Variants in CTNND2 observed in about 807,000 individuals in gnomAD.
CTNND2 encodes catenin delta-2.
A neutral mutation model predicts 144.4 loss-of-function variants in CTNND2; 22 were observed. The ratio of observed to expected loss-of-function variants is 0.15; its 90% CI spans 0.11 to 0.22. The LOEUF (loss-of-function observed/expected upper bound fraction) is 0.22, where lower values mean the gene tolerates loss of function less well. Among genes scored for constraint, CTNND2 ranks in the 10% least tolerant of loss-of-function variants. CTNND2 has a pLI of 1.00. For synonymous variants in CTNND2, 751 were observed against 695.6 expected (o/e 1.08, Z -1.25); for missense variants, 1,353 against 1,618.8 (o/e 0.84, Z 2.82).
At chr5:11,851,542 G>A (rs1293535764) in intron 1 of CTNND2, among the ~76,000 whole-genome samples, 1 of 152,200 alleles carries the variant, frequency 6.6e-6, no homozygotes, top group African/African-American at 2.4e-5. Context: ...CTGGCTTTAT[G>A]CAGCTTTGTT....
chr5:11,317,055 A>T (rs1376573714), intron 9 of CTNND2, among the ~76,000 whole-genome samples: 1 of 152,154 alleles, frequency 6.6e-6, no homozygotes, highest in African/African-American at 2.4e-5. Context: ...GCAGCCAAAA[A>T]ACACTTGAAA....
At position 11,437,820 on chromosome 5, in the gene CTNND2, A is replaced by G. The variant is rs182900036; in HGVS notation, c.288-25751T>C. Reference sequence around the variant, plus strand: ...TCTGAAAAGACTTGGGTGCCTTTGGAGGTTTCTGGGTACTAGGCTGTCCTG... The same window carrying G: ...TCTGAAAAGACTTGGGTGCCTTTGGGGGTTTCTGGGTACTAGGCTGTCCTG... On this transcript the variant is annotated intron_variant, in intron 3 of 21. Coordinates refer to ENST00000304623, the MANE Select transcript of CTNND2 (RefSeq NM_001332.4). Among the ~76,000 whole-genome samples the G allele has an allele frequency of 2.0e-5, 3 of 152,262 alleles. No individual in the cohort carries two copies. The East Asian group carries it at 5.8e-4, about 29-fold the overall frequency.
intron 12 of CTNND2, among the ~76,000 whole-genome samples, chr5:11,132,531 C>G (rs1755726615): frequency 6.6e-6 from 1 of 152,132 alleles, no homozygotes; most frequent in African/African-American, 2.4e-5. Context: ...GTCTGCAACC[C>G]AGGAGAGAGT....
chr5:11,702,923 C>T (rs768375907), intron 2 of CTNND2, among the ~76,000 whole-genome samples: 15 of 152,178 alleles, frequency 9.9e-5, no homozygotes, highest in Non-Finnish European at 1.8e-4. Context: ...AGGCTTAGTA[C>T]CTGATCATGT....
intron 10 of CTNND2, among the ~76,000 whole-genome samples, chr5:11,224,133 T>C (rs1325628923): frequency 1.3e-5 from 2 of 152,132 alleles, no homozygotes; most frequent in Non-Finnish European, 2.9e-5. Context: ...GCAGCGGTAT[T>C]TGTCCTCTTT....
At chr5:11,294,057 C>T (rs413043) in intron 9 of CTNND2, among the ~76,000 whole-genome samples, 44,152 of 150,862 alleles carry the variant, frequency 0.29, 6,691 homozygotes, top group Middle Eastern at 0.38. Context: ...ATGATCTGCC[C>T]TTTCAATTTT....
At chr5:11,470,976 ATATATT>A (rs1321177287) in intron 3 of CTNND2, among the ~76,000 whole-genome samples, 3 of 95,186 alleles carry the variant, frequency 3.2e-5, no homozygotes, top group African/African-American at 1.2e-4. Flanking sequence ...ATATATATAT[ATATATT>A]TTTTTTTTTT....
At chr5:11,680,263 T>C (rs1784368521) in intron 2 of CTNND2, among the ~76,000 whole-genome samples, 1 of 152,122 alleles carries the variant, frequency 6.6e-6, no homozygotes, top group Non-Finnish European at 1.5e-5. Flanking sequence ...AGACTTACAA[T>C]AATGCTAAGG....
intron 11 of CTNND2, among the ~76,000 whole-genome samples, chr5:11,190,259 C>T (rs1040691364): frequency 2.0e-5 from 3 of 152,228 alleles, no homozygotes; most frequent in Admixed American, 1.3e-4. Context: ...CCCTCACTTG[C>T]TCTTCCCCTG....
intron 9 of CTNND2, among the ~76,000 whole-genome samples, chr5:11,280,276 T>C (rs1406115110): frequency 1.3e-5 from 2 of 152,156 alleles, no homozygotes; most frequent in Non-Finnish European, 2.9e-5. Context: ...AGATCAAATA[T>C]TAATGTGGTG....
chr5:11,528,698 T>C (rs1403588660), intron 3 of CTNND2, among the ~76,000 whole-genome samples: 4 of 151,932 alleles, frequency 2.6e-5, no homozygotes, highest in Admixed American at 2.0e-4. Flanking sequence ...CCTTGGGGAG[T>C]TGGCCGTGCT....
intron 3 of CTNND2, among the ~76,000 whole-genome samples, chr5:11,560,695 C>A (rs982046942): frequency 6.6e-6 from 1 of 152,124 alleles, no homozygotes; most frequent in Non-Finnish European, 1.5e-5. Context: ...CTGTGCTGAT[C>A]GAGAAGACAT....
intron 9 of CTNND2, among the ~76,000 whole-genome samples, chr5:11,265,554 A>C (rs1368254212): frequency 6.6e-6 from 1 of 152,042 alleles, no homozygotes; most frequent in Non-Finnish European, 1.5e-5. Context: ...GTTTTGCTGA[A>C]TCTTTTATTC....
rs535002317 is a variant in CTNND2, at chr5:11,677,259, C to T, written c.174+54877G>A. ...AGATCATGTTCATATAAGGCAAATGCCTCATCATATCTTGCCCAAATAGGG... is the reference window on the plus strand; with the variant it reads ...AGATCATGTTCATATAAGGCAAATGTCTCATCATATCTTGCCCAAATAGGG... On this transcript the variant is annotated intron_variant, in intron 2 of 21. Transcript: ENST00000304623. Among the ~76,000 whole-genome samples the T allele has an allele frequency of 2.0e-5, 3 of 152,316 alleles. No individual in the cohort carries two copies. In the South Asian group the frequency reaches 6.2e-4, roughly 32 times the overall value.
intron 15 of CTNND2, chr5:11,083,950 C>A: frequency 8.9e-7 from 1 of 1,125,086 alleles, no homozygotes; most frequent in Non-Finnish European, 1.1e-6. Context: ...CATCCTCAGC[C>A]CAGCCCTGCA....
At chr5:11,711,904 G>C (rs1786054930) in intron 2 of CTNND2, among the ~76,000 whole-genome samples, 1 of 152,234 alleles carries the variant, frequency 6.6e-6, no homozygotes, top group South Asian at 2.1e-4. Flanking sequence ...ATAAGATAAT[G>C]TGTGTGAGGC....
At chr5:11,666,275 T>G (rs1783565797) in intron 2 of CTNND2, among the ~76,000 whole-genome samples, 1 of 152,200 alleles carries the variant, frequency 6.6e-6, no homozygotes, top group African/African-American at 2.4e-5. Flanking sequence ...CACCTTGGTC[T>G]AAGGCTGTGT....
intron 1 of CTNND2, among the ~76,000 whole-genome samples, chr5:11,739,607 A>G (rs1347574807): frequency 6.6e-6 from 1 of 152,100 alleles, no homozygotes; most frequent in Non-Finnish European, 1.5e-5. Flanking sequence ...ATGGGCAAAA[A>G]CTGGAAGCAT....
chr5:11,083,126 G>A (rs943205882), intron 15 of CTNND2, among the ~76,000 whole-genome samples: 20 of 152,308 alleles, frequency 1.3e-4, no homozygotes, highest in Admixed American at 2.6e-4. Context: ...AGCCATTTGC[G>A]TGATGCGTAT....
Sources: allele counts gnomAD v4.1 joint callset (sites outside exome capture counted in the v4.1 genomes callset), GRCh38; gene constraint gnomAD v4.1.1; transcripts MANE v1.5; gene names NCBI Gene and HGNC (gene_info 2026-07-23, HGNC 2026-07-21).